The following HDAC9 variants were observed in gnomAD, a reference collection of about 807,000 sequenced individuals.
The protein encoded by HDAC9 is histone deacetylase 9.
Under a neutral mutation model 139.4 loss-of-function variants are expected in HDAC9, and 41 were observed. The ratio of observed to expected loss-of-function variants is 0.29; its 90% CI spans 0.23 to 0.38. HDAC9 has a LOEUF of 0.38. Among genes scored for constraint, HDAC9 ranks in the 10% least tolerant of loss-of-function variants. The probability of loss-of-function intolerance (pLI) is 1.00; values close to 1 mark genes in which losing one functional copy is unlikely to be tolerated. For synonymous variants in HDAC9, 517 were observed against 476.2 expected (o/e 1.09, Z -1.12); for missense variants, 1,147 against 1,297.0 (o/e 0.88, Z 1.78).
At chr7:18,525,475 A>G (rs990045808) in intron 2 of HDAC9, among the ~76,000 whole-genome samples, 2 of 152,158 alleles carry the variant, frequency 1.3e-5, no homozygotes, top group Non-Finnish European at 1.5e-5. Context: ...CTTTGGTTAA[A>G]CTATACTTCT....
At chr7:18,831,723 T>A (rs1366207287) in intron 19 of HDAC9, among the ~76,000 whole-genome samples, 1 of 152,108 alleles carries the variant, frequency 6.6e-6, no homozygotes, top group East Asian at 1.9e-4. Context: ...CCTTGAGACA[T>A]CCGTTCTCCC....
chr7:18,549,194 C>T (rs1013150236), intron 2 of HDAC9, among the ~76,000 whole-genome samples: 1 of 152,134 alleles, frequency 6.6e-6, no homozygotes, highest in Non-Finnish European at 1.5e-5. Context: ...GCTGAGATTG[C>T]ACCACTGCAC....
intron 1 of HDAC9, among the ~76,000 whole-genome samples, chr7:18,377,279 A>G (rs1242476084): frequency 6.6e-6 from 1 of 152,178 alleles, no homozygotes; most frequent in Non-Finnish European, 1.5e-5. Flanking sequence ...ATGATTGGGT[A>G]GGACCCAATC....
intron 21 of HDAC9, among the ~76,000 whole-genome samples, chr7:18,864,063 A>G (rs1203617901): frequency 6.6e-6 from 1 of 152,202 alleles, no homozygotes; most frequent in Non-Finnish European, 1.5e-5. Context: ...TTTACATAGT[A>G]ACTGCACCAT....
intron 1 of HDAC9, among the ~76,000 whole-genome samples, chr7:18,486,569 G>A (rs1586232707): frequency 6.6e-6 from 1 of 152,056 alleles, no homozygotes. Flanking sequence ...GACAGAACCA[G>A]GGAGACCCTT....
chr7:18,732,056 C>T (rs1230796013), intron 13 of HDAC9, among the ~76,000 whole-genome samples: 2 of 152,084 alleles, frequency 1.3e-5, no homozygotes, highest in East Asian at 1.9e-4. Context: ...GACGGGATTT[C>T]TGTATGTTGG....
At chr7:18,138,154 C>G (rs1365562288) in intron 1 of HDAC9, among the ~76,000 whole-genome samples, 1 of 151,944 alleles carries the variant, frequency 6.6e-6, no homozygotes, top group Non-Finnish European at 1.5e-5. Flanking sequence ...TGATGATATC[C>G]CCTTTATCAT....
At position 18,996,573 on chromosome 7, in the gene HDAC9, C is replaced by CTTGT. The variant is rs1318778639; in HGVS notation, c.*522_*525dup. ...TAATTCCACCCAGAATGTAATGTTT[C>CTTGT]TTGTTTGTTTGTTTTGTTTTGTTAG... On this transcript the variant is annotated 3_prime_UTR_variant, in exon 26 of 26. Coordinates refer to ENST00000686413, the MANE Select transcript of HDAC9 (RefSeq NM_178425.4). 18 of 152,562 alleles carry CTTGT rather than the reference C, an allele frequency of 1.2e-4. No homozygotes were observed. Among genetic ancestry groups the CTTGT allele is most frequent in the African/African-American group, 3.6e-4 (15 of 41,534 alleles). 9.5% of individuals were successfully genotyped at this position (152,562 alleles called of 1,614,324 possible). A position where few individuals can be genotyped will look rare whatever the true frequency, so the allele number is the denominator to read the frequency against.
At chr7:18,655,774 G>A (rs776714540) in intron 11 of HDAC9, among the ~76,000 whole-genome samples, 15 of 152,192 alleles carry the variant, frequency 9.9e-5, no homozygotes, top group Non-Finnish European at 1.8e-4. Flanking sequence ...AGTCAGAGAC[G>A]CTTTTATTGA....
intron 1 of HDAC9, among the ~76,000 whole-genome samples, chr7:18,134,920 A>T (rs186768741): frequency 6.6e-6 from 1 of 152,284 alleles, no homozygotes. Flanking sequence ...CATTGAATCA[A>T]ACTATGATTC....
At chr7:18,190,632 A>C (rs888919241) in intron 2 of HDAC9, among the ~76,000 whole-genome samples, 2 of 152,224 alleles carry the variant, frequency 1.3e-5, no homozygotes, top group Admixed American at 6.5e-5. Flanking sequence ...GGAGTGGAAA[A>C]CGTTTCTCTA....
At chr7:18,651,743 A>G (rs1479720723) in intron 11 of HDAC9, among the ~76,000 whole-genome samples, 1 of 152,160 alleles carries the variant, frequency 6.6e-6, no homozygotes, top group Non-Finnish European at 1.5e-5. Flanking sequence ...TTGTTGCCTT[A>G]TACTTTAATA....
At chr7:18,721,634 C>T (rs1404226356) in intron 12 of HDAC9, among the ~76,000 whole-genome samples, 5 of 152,026 alleles carry the variant, frequency 3.3e-5, no homozygotes, top group Admixed American at 3.3e-4. Context: ...CCATGAGTAA[C>T]CACCCACAGG....
chr7:18,480,323 A>G (rs1795456911), intron 1 of HDAC9, among the ~76,000 whole-genome samples: 1 of 152,172 alleles, frequency 6.6e-6, no homozygotes, highest in African/African-American at 2.4e-5. Context: ...TTGAGTCCGA[A>G]TCTATGTTTT....
chr7:18,680,871 CTGTT>C (rs1032212953), intron 12 of HDAC9, among the ~76,000 whole-genome samples: 12 of 151,960 alleles, frequency 7.9e-5, no homozygotes, highest in African/African-American at 1.4e-4. Context: ...GAAATTTTGA[CTGTT>C]TGTTTAACCA....
chr7:18,842,125 T>G (rs1245178713), intron 21 of HDAC9, among the ~76,000 whole-genome samples: 3 of 152,132 alleles, frequency 2.0e-5, no homozygotes, highest in Non-Finnish European at 2.9e-5. Context: ...TCTTAATTTG[T>G]CAATGAGAGC....
intron 1 of HDAC9, among the ~76,000 whole-genome samples, chr7:18,460,689 G>A (rs1382568264): frequency 6.6e-6 from 1 of 151,300 alleles, no homozygotes; most frequent in Non-Finnish European, 1.5e-5. Flanking sequence ...TCGGGAGGCT[G>A]AGGCAGGAGA....
At chr7:18,099,694 G>A (rs964876156) in intron 1 of HDAC9, among the ~76,000 whole-genome samples, 5 of 151,970 alleles carry the variant, frequency 3.3e-5, no homozygotes, top group Non-Finnish European at 4.4e-5. Context: ...TCAGAATAAC[G>A]GCTACAGTTT....
intron 1 of HDAC9, among the ~76,000 whole-genome samples, chr7:18,427,571 C>A (rs1790234424): frequency 6.6e-6 from 1 of 152,056 alleles, no homozygotes; most frequent in African/African-American, 2.4e-5. Flanking sequence ...CATAATCCTG[C>A]TGATCCTGGC....
Sources: gnomAD v4.1 joint callset for allele counts (sites outside exome capture counted in the v4.1 genomes callset) on GRCh38, gnomAD v4.1.1 for gene constraint, MANE v1.5 for transcripts, NCBI Gene and HGNC (gene_info 2026-07-23, HGNC 2026-07-21) for gene names.